TENM2: variants seen among roughly 807,000 people sequenced by gnomAD.
TENM2 encodes teneurin transmembrane protein 2, also known as teneurin-2.
A neutral mutation model predicts 245.2 loss-of-function variants in TENM2; 52 were observed. The ratio of observed to expected loss-of-function variants is 0.21; its 90% CI spans 0.17 to 0.27. The LOEUF (loss-of-function observed/expected upper bound fraction) is 0.27, where lower values mean the gene tolerates loss of function less well. Among genes scored for constraint, TENM2 ranks in the 10% least tolerant of loss-of-function variants. The probability of loss-of-function intolerance (pLI) is 1.00; values close to 1 mark genes in which losing one functional copy is unlikely to be tolerated. For synonymous variants in TENM2, 1,363 were observed against 1,438.9 expected, an observed-to-expected ratio of 0.95 and a Z score of 1.19; for missense variants, 3,046 against 3,666.8, an observed-to-expected ratio of 0.83 and a Z score of 4.37.
chr5:167,898,786 AAGG>A (rs1182819511), intron 3 of TENM2, among the ~76,000 whole-genome samples: 2 of 152,146 alleles, frequency 1.3e-5, no homozygotes, highest in Admixed American at 6.6e-5. Context: ...GGGAAATGAG[AAGG>A]AGGAGTCAAA....
the TENM2 span, among the ~76,000 whole-genome samples, chr5:167,205,983 C>T: frequency 5.3e-5 from 8 of 152,176 alleles, no homozygotes; most frequent in African/African-American, 9.7e-5. Flanking sequence ...TCATGTGATC[C>T]CATTGGGCCT....
At chr5:167,005,075 C>T in the TENM2 span, among the ~76,000 whole-genome samples, 1 of 152,008 alleles carries the variant, frequency 6.6e-6, no homozygotes, top group African/African-American at 2.4e-5. Flanking sequence ...ATAAAAAAAA[C>T]TAAAAAGGAC....
intron 2 of TENM2, among the ~76,000 whole-genome samples, chr5:167,500,023 TGA>T (rs1290240457): frequency 6.9e-6 from 1 of 145,308 alleles, no homozygotes; most frequent in Non-Finnish European, 1.5e-5. Context: ...TATGTGTATG[TGA>T]GGGTGTGTGT....
chr5:168,057,704 A>G (rs936327988), intron 6 of TENM2, among the ~76,000 whole-genome samples: 1 of 152,206 alleles, frequency 6.6e-6, no homozygotes, highest in Non-Finnish European at 1.5e-5. Flanking sequence ...CAAAAGGCAA[A>G]TTAAGCATTT....
the TENM2 span, among the ~76,000 whole-genome samples, chr5:167,141,554 T>G: frequency 6.6e-6 from 1 of 152,322 alleles, no homozygotes; most frequent in Non-Finnish European, 1.5e-5. Context: ...TACAGACATA[T>G]AGATTGTTTA....
rs1481350866 is a variant in TENM2 at position 168,244,012 on chromosome 5, C to A, written c.5521-408C>A. On this transcript the variant is annotated intron_variant, in intron 25 of 28. Transcript: ENST00000518659. The surrounding 1 kb of genome is among the most constrained non-coding windows in gnomAD (Gnocchi z 4.9). ...TGGAGTGCATGGCACAATTTCAGCT[C>A]ACTGCCATCTCCACCTCCCAGGTTC... is the stretch of plus-strand genomic sequence containing the variant. Among the ~76,000 whole-genome samples, 1 of 148,448 alleles carries A rather than the reference C, an allele frequency of 6.7e-6. No homozygotes were observed. Among genetic ancestry groups the A allele is most frequent in the South Asian group, 2.2e-4 (1 of 4,580 alleles).
chr5:167,640,989 A>G (rs1023197573), intron 2 of TENM2, among the ~76,000 whole-genome samples: 9 of 147,576 alleles, frequency 6.1e-5, no homozygotes, highest in Non-Finnish European at 7.5e-5. Context: ...CAAAAATGCA[A>G]AAATCCTGAC....
intron 2 of TENM2, among the ~76,000 whole-genome samples, chr5:167,772,328 A>G (rs1246326242): frequency 6.6e-6 from 1 of 152,318 alleles, no homozygotes; most frequent in African/African-American, 2.4e-5. Context: ...TATGGGTGAA[A>G]GCTACAGGTC....
intron 1 of TENM2, among the ~76,000 whole-genome samples, chr5:167,298,638 A>G (rs917832516): frequency 2.6e-5 from 4 of 152,202 alleles, no homozygotes; most frequent in Non-Finnish European, 5.9e-5. Context: ...CCCAAAAACT[A>G]AATGGAATAA....
the TENM2 span, among the ~76,000 whole-genome samples, chr5:167,161,301 G>T: frequency 2.2e-4 from 34 of 152,110 alleles, no homozygotes; most frequent in Non-Finnish European, 2.1e-4. Context: ...GGAATCACTC[G>T]ACTATACCCT....
chr5:167,318,318 A>G (rs1334738289), intron 1 of TENM2, among the ~76,000 whole-genome samples: 1 of 152,168 alleles, frequency 6.6e-6, no homozygotes, highest in Non-Finnish European at 1.5e-5. Flanking sequence ...TTTAAATATG[A>G]TTCATGTTAG....
At chr5:167,486,197 C>T (rs75340236) in intron 2 of TENM2, among the ~76,000 whole-genome samples, 8,143 of 152,170 alleles carry the variant, frequency 0.054, 486 homozygotes, top group East Asian at 0.18. Flanking sequence ...CATAGAACAT[C>T]TGCCATACTC....
chr5:168,159,104 A>C (rs1757517448), intron 12 of TENM2, among the ~76,000 whole-genome samples: 1 of 151,528 alleles, frequency 6.6e-6, no homozygotes, highest in African/African-American at 2.4e-5. Context: ...ACATTGCGCC[A>C]CTGCACTCCA....
At chr5:168,033,664 G>C (rs1392328703) in intron 5 of TENM2, among the ~76,000 whole-genome samples, 4 of 151,996 alleles carry the variant, frequency 2.6e-5, no homozygotes, top group Non-Finnish European at 4.4e-5. Flanking sequence ...CTAGCTGTGG[G>C]GACAAATTTG....
At chr5:168,211,876 T>A in intron 20 of TENM2, 122 bp downstream of exon 22, 1 of 586,694 alleles carries the variant, frequency 1.7e-6, no homozygotes, top group Non-Finnish European at 2.9e-6. Flanking sequence ...ATATAGTAAC[T>A]TTTTTATGTG....
At chr5:167,491,075 G>C (rs62383311) in intron 2 of TENM2, among the ~76,000 whole-genome samples, 1 of 152,132 alleles carries the variant, frequency 6.6e-6, no homozygotes, top group Non-Finnish European at 1.5e-5. Flanking sequence ...TTTTCCAGAG[G>C]CAAGTGTCCA....
At chr5:167,786,793 A>G (rs903193604) in intron 2 of TENM2, among the ~76,000 whole-genome samples, 1 of 152,230 alleles carries the variant, frequency 6.6e-6, no homozygotes, top group African/African-American at 2.4e-5. Context: ...AACTTAGCAC[A>G]TAGGGGTTTG....
intron 12 of TENM2, among the ~76,000 whole-genome samples, chr5:168,134,530 A>G (rs1754873460): frequency 1.3e-5 from 2 of 152,032 alleles, no homozygotes; most frequent in Admixed American, 1.3e-4. Flanking sequence ...TACTAAAAAT[A>G]CAAAAAATTA....
chr5:167,787,650 C>A (rs1366415207), intron 2 of TENM2, among the ~76,000 whole-genome samples: 1 of 152,182 alleles, frequency 6.6e-6, no homozygotes, highest in Non-Finnish European at 1.5e-5. Flanking sequence ...CTTATTAGAT[C>A]TTTTTGACCT....
Sources: allele counts gnomAD v4.1 joint callset (sites outside exome capture counted in the v4.1 genomes callset), GRCh38; gene constraint gnomAD v4.1.1; non-coding constraint Gnocchi (gnomAD v3.1); transcripts MANE v1.5; gene names NCBI Gene and HGNC (gene_info 2026-07-23, HGNC 2026-07-21).